MTBP: variants seen among roughly 807,000 people sequenced by gnomAD.
The protein encoded by MTBP is mdm2-binding protein.
A neutral mutation model predicts 117.0 loss-of-function variants in MTBP; 101 were observed. That is an observed-to-expected ratio of 0.86 (90% CI 0.73 to 1.02). The LOEUF (loss-of-function observed/expected upper bound fraction) is 1.02, where lower values mean the gene tolerates loss of function less well. Ranked by LOEUF, MTBP falls within the 50% of genes least tolerant of loss-of-function variation. MTBP has a pLI of 0.00. For missense variants in MTBP, 970 were observed against 1,030.9 expected (o/e 0.94, Z 0.81); for synonymous variants, 350 against 351.5 (o/e 1.00, Z 0.05).
At chr8:120,461,099 A>G (rs1319791620) in intron 8 of MTBP, 62 bp from the exon 9 acceptor site, 14 of 1,217,796 alleles carry the variant, frequency 1.1e-5, no homozygotes, top group Admixed American at 3.8e-5. Flanking sequence ...ACCCTTAATC[A>G]CTAATTTGTT....
intron 15 of MTBP, among the ~76,000 whole-genome samples, chr8:120,505,313 A>G (rs952215182): frequency 1.3e-5 from 2 of 152,168 alleles, no homozygotes; most frequent in Non-Finnish European, 2.9e-5. Context: ...GGCAGGAAGC[A>G]TTGGTGCTTC....
At chr8:120,452,023 G>A (rs946547909) in intron 4 of MTBP, 2 of 152,028 alleles carry the variant, frequency 1.3e-5, no homozygotes, top group Non-Finnish European at 2.9e-5. Context: ...AGCATTTCAG[G>A]TACCTTTTAA....
intron 19 of MTBP, 21 bp from the exon 20 acceptor site, chr8:120,518,683 A>G (rs1197957808): frequency 2.0e-6 from 3 of 1,488,950 alleles, no homozygotes; most frequent in African/African-American, 2.8e-5. Flanking sequence ...AATATTCGTC[A>G]TATGTTATGT....
intron 2 of MTBP, among the ~76,000 whole-genome samples, 180 bp from the exon 3 acceptor site, chr8:120,450,823 T>C (rs1328263390): frequency 1.3e-5 from 2 of 152,182 alleles, no homozygotes; most frequent in Non-Finnish European, 2.9e-5. Context: ...AGAATTTTGC[T>C]CTTTAGGTAG....
chr8:120,486,545 T>G (rs79337436), intron 11 of MTBP, among the ~76,000 whole-genome samples: 2 of 152,168 alleles, frequency 1.3e-5, no homozygotes, highest in African/African-American at 4.8e-5. Context: ...AGGAAGTCCC[T>G]GAATTCTCAT....
At chr8:120,519,305 T>C (rs906034551) in intron 20 of MTBP, among the ~76,000 whole-genome samples, 2 of 152,020 alleles carry the variant, frequency 1.3e-5, no homozygotes, top group African/African-American at 4.8e-5. Flanking sequence ...GACTCGACTG[T>C]CAGTGGATTT....
intron 15 of MTBP, among the ~76,000 whole-genome samples, chr8:120,504,473 A>G (rs1471410967): frequency 2.6e-5 from 4 of 151,936 alleles, no homozygotes; most frequent in Admixed American, 6.6e-5. Flanking sequence ...TACATTTTAG[A>G]TTAGTTCTGT....
chr8:120,494,908 T>C (rs35648205), intron 13 of MTBP, among the ~76,000 whole-genome samples: 80,455 of 152,036 alleles, frequency 0.53, 24,590 homozygotes, highest in Non-Finnish European at 0.67. Flanking sequence ...TTAACATTCA[T>C]TGTGTATTCA....
intron 13 of MTBP, among the ~76,000 whole-genome samples, chr8:120,493,647 C>T (rs777546385): frequency 7.2e-5 from 11 of 151,910 alleles, no homozygotes; most frequent in Non-Finnish European, 1.2e-4. Flanking sequence ...TGTACCACCA[C>T]GCCAGGCTAA....
chr8:120,511,413 A>T (rs1338271891), intron 17 of MTBP, among the ~76,000 whole-genome samples: 1 of 152,210 alleles, frequency 6.6e-6, no homozygotes, highest in Non-Finnish European at 1.5e-5. Flanking sequence ...CTCATGCCTC[A>T]GCCTCCCAGG....
At chr8:120,517,822 G>T (rs370325137) in intron 18 of MTBP, 29 bp from the exon 19 acceptor site, 3 of 1,591,334 alleles carry the variant, frequency 1.9e-6, no homozygotes, top group African/African-American at 2.7e-5. Context: ...CTTAATCTAC[G>T]TTCTTGATTT....
chr8:120,468,654 G>A (rs1191604715), intron 10 of MTBP, among the ~76,000 whole-genome samples: 1 of 151,840 alleles, frequency 6.6e-6, no homozygotes, highest in African/African-American at 2.4e-5. Flanking sequence ...GCGTTGTCAT[G>A]GAGAAGAATT....
Position 120,463,689 on chromosome 8 carries a change from C to T in MTBP, c.978-3C>T. ...ACATCATTTCTTTAACTCCTTAGTA[C>T]AGAGGATTGACAAACAGTACCAAAC... On this transcript the variant is annotated splice_region_variant and splice_polypyrimidine_tract_variant and intron_variant, in intron 9 of 21. Transcript: ENST00000305949. The T allele has an allele frequency of 6.2e-7, 1 of 1,608,248 alleles. No homozygotes were observed. Among genetic ancestry groups the T allele is most frequent in the Non-Finnish European group, 8.5e-7 (1 of 1,176,208 alleles).
intron 11 of MTBP, among the ~76,000 whole-genome samples, chr8:120,480,038 T>C (rs1018752603): frequency 6.6e-6 from 1 of 152,076 alleles, no homozygotes; most frequent in African/African-American, 2.4e-5. Flanking sequence ...CCCAAAACAT[T>C]ACTGAGAGTA....
At chr8:120,506,656 C>T (rs1245388434) in intron 15 of MTBP, 50 bp from the exon 16 acceptor site, 8 of 1,324,278 alleles carry the variant, frequency 6.0e-6, no homozygotes, top group South Asian at 1.9e-5. Context: ...TCTGGCTTCT[C>T]TCTGGATTGA....
intron 19 of MTBP, 73 bp downstream of exon 19, chr8:120,518,173 T>C: frequency 1.4e-6 from 2 of 1,462,916 alleles, no homozygotes; most frequent in Non-Finnish European, 1.8e-6. Context: ...TTAAAATATA[T>C]GTCTAAAAAA....
At chr8:120,454,376 C>G (rs1244791946) in intron 5 of MTBP, among the ~76,000 whole-genome samples, 1 of 151,972 alleles carries the variant, frequency 6.6e-6, no homozygotes, top group Non-Finnish European at 1.5e-5. Flanking sequence ...TTTTATAGAA[C>G]CTATTTTTTT....
intron 11 of MTBP, among the ~76,000 whole-genome samples, chr8:120,476,054 C>T (rs908934765): frequency 6.6e-5 from 10 of 151,878 alleles, no homozygotes; most frequent in African/African-American, 1.4e-4. Flanking sequence ...AAACCAAGAA[C>T]CTTATCTAAT....
At chr8:120,499,928 T>C (rs1172798518) in intron 14 of MTBP, among the ~76,000 whole-genome samples, 1 of 152,228 alleles carries the variant, frequency 6.6e-6, no homozygotes, top group East Asian at 1.9e-4. Flanking sequence ...ATCAGATCGT[T>C]ATTTTATTAC....
Sources: gnomAD v4.1 joint callset for allele counts (sites outside exome capture counted in the v4.1 genomes callset) on GRCh38, gnomAD v4.1.1 for gene constraint, MANE v1.5 for transcripts, NCBI Gene and HGNC (gene_info 2026-07-23, HGNC 2026-07-21) for gene names.